Variants in PCDHGA1 observed in about 807,000 individuals in gnomAD.
PCDHGA1 encodes protocadherin gamma subfamily A, 1.
In PCDHGA1, 32 loss-of-function variants were observed where a neutral mutation model predicts 58.0. The observed-to-expected ratio is 0.55, with a 90% CI of 0.42 to 0.74. The LOEUF (loss-of-function observed/expected upper bound fraction) is 0.74. PCDHGA1 is among the 30% of genes least tolerant of loss of function. The probability of loss-of-function intolerance (pLI) is 0.00; values close to 1 mark genes in which losing one functional copy is unlikely to be tolerated. For missense variants in PCDHGA1, 1,205 were observed against 1,182.3 expected (o/e 1.02, Z -0.28); for synonymous variants, 498 against 501.1 (o/e 0.99, Z 0.08).
In PCDHGA1 at chr5:141,477,531, C is replaced by T. The variant is rs1316982512; in HGVS notation, c.2422-17276C>T. 5 of 1,614,162 alleles carry T rather than the reference C, an allele frequency of 3.1e-6. No homozygotes were observed. Among genetic ancestry groups the T allele is most frequent in the Middle Eastern group, 1.6e-4 (1 of 6,062 alleles). On this transcript the variant is annotated intron_variant, in intron 1 of 3. Transcript: ENST00000517417. This position sits in a 1 kb window ranked among gnomAD's most constrained non-coding sequence, Gnocchi z 4.9. ...GTTTACATTGAAGAAAACAACCTCC[C>T]CGGGGCTCCAATACTAAACCTAAGT... is the stretch of plus-strand genomic sequence containing the variant.
chr5:141,407,954 G>A, intron 1 of PCDHGA1: 1 of 640,866 alleles, frequency 1.6e-6, no homozygotes, highest in East Asian at 3.0e-5. Flanking sequence ...GTCGGCCAGT[G>A]CAGAGCAAGC....
Position 141,331,142 on chromosome 5 carries a change from C to T in PCDHGA1, c.458C>T (p.Ser153Leu), listed in dbSNP as rs1033427855. ...NEITTPGTRV[S>L]LPFGQDLDVG... ...ATAACGACTCCAGGTACCAGAGTCT[C>T]ATTGCCTTTTGGGCAAGACCTTGAT... The change falls in exon 1 of 4, where the codon TCA (serine) becomes TTA (leucine). Residue 153 changes from serine (S) to leucine (L), a missense_variant. Transcript: ENST00000517417. 6 of 1,614,144 alleles carry T rather than the reference C, an allele frequency of 3.7e-6. No homozygotes were observed. The Admixed American group carries it at 6.7e-5, about 18-fold the overall frequency.
chr5:141,360,926 T>C, intron 1 of PCDHGA1: 1 of 1,613,986 alleles, frequency 6.2e-7, no homozygotes, highest in Non-Finnish European at 8.5e-7. Flanking sequence ...GTGCTTCAAG[T>C]GACAGCCACC....
intron 1 of PCDHGA1, chr5:141,385,445 T>A (rs2150293072): frequency 1.4e-6 from 2 of 1,450,040 alleles, no homozygotes; most frequent in Non-Finnish European, 1.8e-6. Context: ...TAAAAATGAG[T>A]TTACCAGTTT....
intron 1 of PCDHGA1, among the ~76,000 whole-genome samples, chr5:141,455,201 CAATAAGAGTTTTT>C (rs1373301624): frequency 6.6e-6 from 1 of 151,722 alleles, no homozygotes; most frequent in Non-Finnish European, 1.5e-5. Flanking sequence ...AATTTACAAC[CAATAAGAGTTTTT>C]AATGCTTTGA....
intron 1 of PCDHGA1, chr5:141,412,214 A>G (rs1196919276): frequency 6.6e-6 from 1 of 152,196 alleles, no homozygotes; most frequent in African/African-American, 2.4e-5. Context: ...TGACATAAAC[A>G]CTTACTTGTT....
At chr5:141,482,530 CAAAAAAAAA>C (rs3074545) in intron 1 of PCDHGA1, among the ~76,000 whole-genome samples, 16 of 76,560 alleles carry the variant, frequency 2.1e-4, no homozygotes, top group African/African-American at 7.7e-4. Context: ...GACAGACATG[CAAAAAAAAA>C]AAAAAAAAAA....
rs773303808 is a variant in PCDHGA1, at chr5:141,362,539, T to G, written c.2421+29434T>G. 6 of 1,613,828 alleles carry G rather than the reference T, an allele frequency of 3.7e-6. No homozygotes were observed. The Admixed American group carries it at 1.0e-4, about 27-fold the overall frequency. Reference sequence around the variant, plus strand: ...TGGAGCCGCTGGGGTCCCTTTTGCCTCAGATACTATTTTGAAGGTGAGCTT... The same window carrying G: ...TGGAGCCGCTGGGGTCCCTTTTGCCGCAGATACTATTTTGAAGGTGAGCTT... On this transcript the variant is annotated intron_variant, in intron 1 of 3. Transcript: ENST00000517417.
chr5:141,375,013 G>C, intron 1 of PCDHGA1: 2 of 1,614,004 alleles, frequency 1.2e-6, no homozygotes, highest in Non-Finnish European at 1.7e-6. Flanking sequence ...TAGACTATGA[G>C]GACTCGAGTT....
chr5:141,491,136 G>A lies in PCDHGA1; in HGVS notation c.2422-3671G>A, dbSNP rs769904518. On this transcript the variant is annotated intron_variant, in intron 1 of 3. Coordinates refer to ENST00000517417, the MANE Select transcript of PCDHGA1 (RefSeq NM_018912.3). This position sits in a 1 kb window ranked among gnomAD's most constrained non-coding sequence, Gnocchi z 6.9. ...ACACTGGTGAGGTGCGCACAGCCCG[G>A]GCCTTACTGGAGGATGACTCTGACA... The A allele has an allele frequency of 2.4e-5, 38 of 1,614,030 alleles. 1 individual carries two copies. The South Asian group carries it at 4.1e-4, about 17-fold the overall frequency.
chr5:141,333,404 A>G lies in PCDHGA1; in HGVS notation c.2421+299A>G. 8.8e-6 allele frequency: 4 copies of G among 455,120 alleles called. 1 individual carries two copies. Among genetic ancestry groups the G allele is most frequent in the Non-Finnish European group, 7.3e-6 (2 of 274,850 alleles). The allele number at this position is 455,120 out of a possible 1,614,324, so 28.2% of individuals were successfully genotyped here. ...CATTAGAAACGGCGATCTAGCTTCT[A>G]ACATTTTCTTACTTGCCTCTGGGCT... On this transcript the variant is annotated intron_variant, in intron 1 of 3. Coordinates refer to ENST00000517417, the MANE Select transcript of PCDHGA1 (RefSeq NM_018912.3).
chr5:141,409,443 A>C (rs1276603306), intron 1 of PCDHGA1: 1 of 1,614,014 alleles, frequency 6.2e-7, no homozygotes, highest in East Asian at 2.2e-5. Context: ...GACCGAGAGC[A>C]GACACCAGAA....
chr5:141,382,674 C>G (rs951969894), intron 1 of PCDHGA1: 43 of 436,018 alleles, frequency 9.9e-5, no homozygotes, highest in African/African-American at 8.4e-4. Context: ...CCGCTGTTCA[C>G]CAACCAGGGA....
Position 141,487,289 on chromosome 5 carries a change from G to A in PCDHGA1, c.2422-7518G>A. The A allele has an allele frequency of 1.2e-6, 2 of 1,614,096 alleles. No individual in the cohort carries two copies. The highest frequency in any genetic ancestry group is 1.7e-6 in the Non-Finnish European group (2 of 1,180,024). On this transcript the variant is annotated intron_variant, in intron 1 of 3. Coordinates refer to ENST00000517417, the MANE Select transcript of PCDHGA1 (RefSeq NM_018912.3). The surrounding 1 kb of genome is among the most constrained non-coding windows in gnomAD (Gnocchi z 5.0). ...AGTGGCAATTTGCTTTGTCTCCTTTGGCTCATTCGTGGCACTACTCTCTAA... is the reference window on the plus strand; with the variant it reads ...AGTGGCAATTTGCTTTGTCTCCTTTAGCTCATTCGTGGCACTACTCTCTAA...
intron 1 of PCDHGA1, among the ~76,000 whole-genome samples, chr5:141,434,746 C>T (rs1591345130): frequency 6.6e-6 from 1 of 151,796 alleles, no homozygotes; most frequent in South Asian, 2.1e-4. Context: ...GGCTATGAGA[C>T]CCCTGATTCC....
intron 1 of PCDHGA1, among the ~76,000 whole-genome samples, chr5:141,363,599 G>A (rs1470952718): frequency 1.3e-5 from 2 of 152,206 alleles, no homozygotes; most frequent in African/African-American, 2.4e-5. Context: ...CAACTCAAAC[G>A]CTGTCTGAGA....
In PCDHGA1 at chr5:141,476,506, C is replaced by T; in HGVS notation, c.2422-18301C>T. 1 of 1,614,068 alleles carries T rather than the reference C, an allele frequency of 6.2e-7. No homozygotes were observed. ...AAGTGGTGATCCAGGACATCAACGA[C>T]AACAATCCTGCTTTCCCTACCCAGG... On this transcript the variant is annotated intron_variant, in intron 1 of 3. Transcript: ENST00000517417. This position sits in a 1 kb window ranked among gnomAD's most constrained non-coding sequence, Gnocchi z 7.6.
At position 141,331,951 on chromosome 5, in the gene PCDHGA1, A is replaced by G; in HGVS notation, c.1267A>G (p.Thr423Ala). The change falls in exon 1 of 4, where the codon ACA (threonine) becomes GCA (alanine). Residue 423 changes from threonine to alanine, a missense_variant. Transcript: ENST00000517417. ...TATCTCTGGGTACAACATCACAATA[A>G]CAGCAATAGACCAAGGAACTCCAGC... is the stretch of plus-strand genomic sequence containing the variant. ...ELISGYNITI[T>A]AIDQGTPALS... 1.2e-6 allele frequency: 2 copies of G among 1,614,158 alleles called. No individual in the cohort carries two copies. The highest frequency in any genetic ancestry group is 1.7e-6 in the Non-Finnish European group (2 of 1,180,032).
chr5:141,346,336 T>C, intron 1 of PCDHGA1: 1 of 1,614,222 alleles, frequency 6.2e-7, no homozygotes, highest in Non-Finnish European at 8.5e-7. Flanking sequence ...AAGAGCCACC[T>C]GATTTTCCCC....
Sources: allele counts gnomAD v4.1 joint callset (sites outside exome capture counted in the v4.1 genomes callset), GRCh38; gene constraint gnomAD v4.1.1; non-coding constraint Gnocchi (gnomAD v3.1); transcripts MANE v1.5; gene names NCBI Gene and HGNC (gene_info 2026-07-23, HGNC 2026-07-21).